FYB1: variants seen among roughly 807,000 people sequenced by gnomAD.
FYB1 encodes FYN binding protein 1.
A neutral mutation model predicts 94.1 loss-of-function variants in FYB1; 41 were observed. That is an observed-to-expected ratio of 0.44 (90% CI 0.34 to 0.57). The LOEUF (loss-of-function observed/expected upper bound fraction) is 0.57. Ranked by LOEUF, FYB1 falls within the 20% of genes least tolerant of loss-of-function variation. The pLI is 0.02. For synonymous variants in FYB1, 367 were observed against 353.2 expected, an observed-to-expected ratio of 1.04 and a Z score of -0.44; for missense variants, 1,050 against 976.8, an observed-to-expected ratio of 1.07 and a Z score of -1.00.
intron 2 of FYB1, among the ~76,000 whole-genome samples, chr5:39,200,997 T>A (rs1185313143): frequency 3.3e-5 from 5 of 152,186 alleles, no homozygotes; most frequent in Non-Finnish European, 7.3e-5. Flanking sequence ...CTGGTAGAAA[T>A]TTAAACTATT....
At chr5:39,148,074 C>A (rs945496999) in intron 3 of FYB1, among the ~76,000 whole-genome samples, 1 of 147,174 alleles carries the variant, frequency 6.8e-6, no homozygotes, top group Non-Finnish European at 1.5e-5. Flanking sequence ...GAAGCCATTG[C>A]TCCCCGCTGC....
intron 1 of FYB1, among the ~76,000 whole-genome samples, chr5:39,252,292 G>C (rs916892750): frequency 1.4e-5 from 1 of 73,506 alleles, no homozygotes; most frequent in Non-Finnish European, 2.4e-5. Flanking sequence ...TATGAAGAGT[G>C]TGTAAGAATG....
In FYB1 at chr5:39,137,430, G is replaced by A. The variant is rs1741766627; in HGVS notation, c.1515+170C>T. 4 of 605,798 alleles carry A rather than the reference G, an allele frequency of 6.6e-6. No homozygotes were observed. In the South Asian group the frequency reaches 1.0e-4, roughly 16 times the overall value. 37.5% of individuals were successfully genotyped at this position (605,798 alleles called of 1,614,324 possible). A position where few individuals can be genotyped will look rare whatever the true frequency, so the allele number is the denominator to read the frequency against. On this transcript the variant is annotated intron_variant, in intron 7 of 18. Transcript: ENST00000512982. ...TTTAAATTTTATTATATTAGTTCAG[G>A]GATAAAATGGTGTATTGGACAAAAA...
chr5:39,162,879 ATATGTT>A (rs1744385414), intron 2 of FYB1, among the ~76,000 whole-genome samples: 1 of 152,176 alleles, frequency 6.6e-6, no homozygotes, highest in Non-Finnish European at 1.5e-5. Flanking sequence ...GCATTCTTTC[ATATGTT>A]TATAAGACAT....
chr5:39,174,274 C>T (rs919782461), intron 2 of FYB1, among the ~76,000 whole-genome samples: 1 of 152,110 alleles, frequency 6.6e-6, no homozygotes, highest in Non-Finnish European at 1.5e-5. Flanking sequence ...TATAAAAATG[C>T]TACTGATTTC....
intron 1 of FYB1, among the ~76,000 whole-genome samples, chr5:39,271,396 C>A (rs1161493566): frequency 6.6e-6 from 1 of 152,096 alleles, no homozygotes; most frequent in Non-Finnish European, 1.5e-5. Context: ...AGATTTGGCC[C>A]CTTTAATTGG....
At chr5:39,223,625 CA>C (rs1750358020), upstream of FYB1, among the ~76,000 whole-genome samples, 1 of 152,304 alleles carries the variant, frequency 6.6e-6, no homozygotes, top group Non-Finnish European at 1.5e-5. Context: ...TTAGGGCTTC[CA>C]TTCCCCCATG....
rs547941178 is a variant in FYB1, at chr5:39,106,729, T to G, written c.*714A>C. 4.6e-5 allele frequency: 7 copies of G among 152,240 alleles called. No individual in the cohort carries two copies. The highest frequency in any genetic ancestry group is 1.4e-4 in the African/African-American group (6 of 41,580). The allele number at this position is 152,240 out of a possible 1,614,324, so 9.4% of individuals were successfully genotyped here. ...TAGTACTTTAAACAGAGCACAGAAT[T>G]AAACCATTAGTATGTGAATCTGCAA... On this transcript the variant is annotated 3_prime_UTR_variant, in exon 19 of 19. Transcript: ENST00000512982.
At chr5:39,173,570 T>C (rs1421403926) in intron 2 of FYB1, among the ~76,000 whole-genome samples, 1 of 152,204 alleles carries the variant, frequency 6.6e-6, no homozygotes, top group Non-Finnish European at 1.5e-5. Flanking sequence ...ATTTTTATAG[T>C]TTGAGATCTT....
At chr5:39,155,512 C>T (rs1240378542) in intron 2 of FYB1, among the ~76,000 whole-genome samples, 1 of 152,176 alleles carries the variant, frequency 6.6e-6, no homozygotes, top group East Asian at 1.9e-4. Context: ...TTTGTCCTAA[C>T]TAAAATAAAA....
chr5:39,250,470 G>A (rs531847150), intron 1 of FYB1, among the ~76,000 whole-genome samples: 1 of 152,098 alleles, frequency 6.6e-6, no homozygotes, highest in African/African-American at 2.4e-5. Context: ...AAGCATTTTG[G>A]GAACATTATC....
rs746741151 is a variant in FYB1, at chr5:39,202,454, C to G, written c.507G>C (p.Ala169=). 2 of 1,613,866 alleles carry G rather than the reference C, an allele frequency of 1.2e-6. No individual in the cohort carries two copies. The highest frequency in any genetic ancestry group is 2.2e-5 in the South Asian group (2 of 91,078). The change falls in exon 2 of 19, where the codon GCG becomes GCC. Residue 169 remains alanine (A), a synonymous_variant. Transcript: ENST00000512982. ...CTTTAACCCCAGTCAATTTGGGAAA[C>G]GCTTGCTTCTGTTCATTTTCTGAGG... ...PPTSENEQKQ[A]FPKLTGVKGK...
At chr5:39,234,943 G>A (rs895705117) in intron 1 of FYB1, among the ~76,000 whole-genome samples, 1 of 151,496 alleles carries the variant, frequency 6.6e-6, no homozygotes, top group Non-Finnish European at 1.5e-5. Flanking sequence ...TAATGCATGC[G>A]GGCTTAAAAC....
intron 1 of FYB1, among the ~76,000 whole-genome samples, chr5:39,239,733 G>C (rs777808918): frequency 1.3e-5 from 2 of 152,218 alleles, no homozygotes; most frequent in South Asian, 2.1e-4. Context: ...TGGCCATACT[G>C]TCCAAAGCAA....
chr5:39,246,903 T>C (rs2150600690), intron 1 of FYB1, among the ~76,000 whole-genome samples: 1 of 152,040 alleles, frequency 6.6e-6, no homozygotes, highest in South Asian at 2.1e-4. Context: ...TGCCTGGGTT[T>C]GGACTTCAAC....
intron 1 of FYB1, among the ~76,000 whole-genome samples, chr5:39,263,980 T>C (rs965172097): frequency 6.6e-6 from 1 of 152,112 alleles, no homozygotes; most frequent in Non-Finnish European, 1.5e-5. Flanking sequence ...CCCTCCAAAA[T>C]TCATGTGTCA....
At chr5:39,176,137 G>GTTTTTTTTTTTTTTTTT (rs70982547) in intron 2 of FYB1, among the ~76,000 whole-genome samples, 1 of 61,640 alleles carries the variant, frequency 1.6e-5, no homozygotes. Context: ...TTTTTTTTCT[G>GTTTTTTTTTTTTTTTTT]TTTTTTTTTT....
chr5:39,183,856 G>T (rs959504069), intron 2 of FYB1, among the ~76,000 whole-genome samples: 4 of 152,150 alleles, frequency 2.6e-5, no homozygotes, highest in African/African-American at 9.7e-5. Context: ...AGGGGGCTAT[G>T]GTGGTGGTGG....
At chr5:39,108,618 T>C (rs1277237036) in intron 17 of FYB1, among the ~76,000 whole-genome samples, 1 of 152,134 alleles carries the variant, frequency 6.6e-6, no homozygotes, top group East Asian at 1.9e-4. Flanking sequence ...TGTCTGTTAA[T>C]ATCAGATTCA....
Sources: allele counts gnomAD v4.1 joint callset (sites outside exome capture counted in the v4.1 genomes callset), GRCh38; gene constraint gnomAD v4.1.1; transcripts MANE v1.5; gene names NCBI Gene and HGNC (gene_info 2026-07-23, HGNC 2026-07-21).